Variants in DCAF8L2 observed in about 807,000 individuals in gnomAD.
The protein encoded by DCAF8L2 is DDB1- and CUL4-associated factor 8-like protein 2.
For missense variants in DCAF8L2, 430 were observed against 490.7 expected (o/e 0.88, Z 1.17); for synonymous variants, 200 against 190.9 (o/e 1.05, Z -0.39).
At chrX:27,526,373 C>T in the DCAF8L2 span, among the ~76,000 whole-genome samples, 1 of 112,125 alleles carries the variant, frequency 8.9e-6, no homozygotes, top group Non-Finnish European at 1.9e-5. Context: ...TTTTTAGCTC[C>T]ATCAGGTCAT....
chrX:27,522,692 C>T, the DCAF8L2 span, among the ~76,000 whole-genome samples: 17 of 112,353 alleles, frequency 1.5e-4, no homozygotes, highest in Non-Finnish European at 3.0e-4. Context: ...GCTTCTGTGA[C>T]TGGTTTATTT....
chrX:27,587,985 A>AATATATATATATAT (rs202098791), upstream of DCAF8L2, among the ~76,000 whole-genome samples: 8 of 22,344 alleles, frequency 3.6e-4, no homozygotes, highest in African/African-American at 6.9e-4. Flanking sequence ...TAAAAAAAAA[A>AATATATATATATAT]ATATATATAT....
At chrX:27,570,527 G>A in the DCAF8L2 span, among the ~76,000 whole-genome samples, 7 of 111,598 alleles carry the variant, frequency 6.3e-5, no homozygotes, top group Admixed American at 4.8e-4. Context: ...TGCAGTTTCT[G>A]TCTGGCATGT....
chrX:27,562,804 G>A, the DCAF8L2 span, among the ~76,000 whole-genome samples: 2 of 111,993 alleles, frequency 1.8e-5, no homozygotes, highest in Admixed American at 1.9e-4. Flanking sequence ...TCTCTGCCTC[G>A]GAAGCAAAAG....
At chrX:27,492,733 A>C in the DCAF8L2 span, among the ~76,000 whole-genome samples, 2 of 111,502 alleles carry the variant, frequency 1.8e-5, no homozygotes, top group Non-Finnish European at 3.8e-5. Context: ...CACCCGCCTC[A>C]GCCTCCCAAA....
intron 4 of DCAF8L2, among the ~76,000 whole-genome samples, chrX:27,745,401 G>C (rs1487886467): frequency 1.8e-5 from 2 of 111,860 alleles, no homozygotes; most frequent in Non-Finnish European, 3.8e-5. Flanking sequence ...TGTTAATTGT[G>C]TTTTCACTCA....
rs1455416332 is a variant in DCAF8L2, at chrX:27,708,416, C to G, written c.-142-7672C>G. On this transcript the variant is annotated intron_variant, in intron 3 of 4. Transcript: ENST00000451261. ...CCACCATTGACATCTATACCCATAC[C>G]ACTCTGAATGTGTCTGATATCAGAA... 2.7e-5 allele frequency among the ~76,000 whole-genome samples: 3 copies of G among 111,791 alleles called. No individual in the cohort carries two copies. The Admixed American group carries it at 2.9e-4, about 11-fold the overall frequency.
chrX:27,573,749 G>T, the DCAF8L2 span, among the ~76,000 whole-genome samples: 24 of 111,561 alleles, frequency 2.2e-4, no homozygotes, highest in African/African-American at 7.2e-4. Flanking sequence ...CAAGCGCTAA[G>T]ATATTCTTAG....
chrX:27,534,354 A>T, the DCAF8L2 span, among the ~76,000 whole-genome samples: 1 of 112,405 alleles, frequency 8.9e-6, no homozygotes, highest in Non-Finnish European at 1.9e-5. Context: ...TATTCTCAAA[A>T]GTCCCAGATA....
chrX:27,591,016 A>ATATATATATATAT (rs1569153314), intron 1 of DCAF8L2, among the ~76,000 whole-genome samples: 119 of 44,651 alleles, frequency 2.7e-3, no homozygotes, highest in Non-Finnish European at 5.4e-3. Flanking sequence ...TATATATATA[A>ATATATATATATAT]ATAAATAATT....
the DCAF8L2 span, among the ~76,000 whole-genome samples, chrX:27,476,187 C>A: frequency 9.2e-6 from 1 of 109,026 alleles, no homozygotes; most frequent in Admixed American, 9.9e-5. Context: ...ATTATGTAAC[C>A]GAGACTACTT....
intron 2 of DCAF8L2, among the ~76,000 whole-genome samples, chrX:27,659,547 G>T (rs1929478134): frequency 9.0e-6 from 1 of 111,430 alleles, no homozygotes; most frequent in Admixed American, 9.5e-5. Context: ...ACAACCCTTT[G>T]AAATGTGATA....
At chrX:27,588,882 A>ATGAG (rs1459428729), upstream of DCAF8L2, among the ~76,000 whole-genome samples, 1 of 111,265 alleles carries the variant, frequency 9.0e-6, no homozygotes, top group East Asian at 2.8e-4. Context: ...CACACCGAGA[A>ATGAG]TGAGTTTATT....
the DCAF8L2 span, among the ~76,000 whole-genome samples, chrX:27,507,423 G>T: frequency 8.9e-6 from 1 of 111,797 alleles, no homozygotes; most frequent in African/African-American, 3.2e-5. Flanking sequence ...GTTGATTGAA[G>T]TGGCACCCCC....
At chrX:27,548,450 G>A in the DCAF8L2 span, among the ~76,000 whole-genome samples, 52 of 111,629 alleles carry the variant, frequency 4.7e-4, no homozygotes, top group African/African-American at 1.4e-3. Flanking sequence ...ATAGAAGAGA[G>A]AAATAGCTAT....
the DCAF8L2 span, among the ~76,000 whole-genome samples, chrX:27,556,929 C>T: frequency 0.1 from 11,033 of 110,026 alleles, 415 homozygotes; most frequent in Non-Finnish European, 0.12. Context: ...TTTATCTTAT[C>T]TTTCAAAGTA....
chrX:27,711,999 G>T (rs1435043991), intron 3 of DCAF8L2, among the ~76,000 whole-genome samples: 1 of 111,254 alleles, frequency 9.0e-6, no homozygotes, highest in Non-Finnish European at 1.9e-5. Flanking sequence ...TGTACATGAT[G>T]TTCCTTTATT....
the DCAF8L2 span, among the ~76,000 whole-genome samples, chrX:27,511,861 C>T: frequency 9.0e-5 from 10 of 111,606 alleles, no homozygotes; most frequent in African/African-American, 2.9e-4. Flanking sequence ...TTCTCTGTGC[C>T]GGTAGTGAAC....
the DCAF8L2 span, among the ~76,000 whole-genome samples, chrX:27,560,744 A>G: frequency 8.9e-6 from 1 of 112,280 alleles, no homozygotes; most frequent in African/African-American, 3.2e-5. Flanking sequence ...GGGGCCAGTA[A>G]CACACTAGAA....
Sources: allele counts gnomAD v4.1 joint callset (sites outside exome capture counted in the v4.1 genomes callset), GRCh38; gene constraint gnomAD v4.1.1; transcripts MANE v1.5; gene names NCBI Gene and HGNC (gene_info 2026-07-23, HGNC 2026-07-21).